Variants in NEB observed in about 807,000 individuals in gnomAD.
The protein encoded by NEB is nemaline myopathy type 2.
A neutral mutation model predicts 952.2 loss-of-function variants in NEB; 512 were observed. The ratio of observed to expected loss-of-function variants is 0.54; its 90% confidence interval spans 0.50 to 0.58. The LOEUF is 0.58. NEB is among the 20% of genes least tolerant of loss of function. The pLI, the probability that NEB is intolerant of heterozygous loss-of-function variation, is 0.00. For synonymous variants in NEB, 2,900 were observed against 3,149.8 expected, an observed-to-expected ratio of 0.92 and a Z score of 2.66; for missense variants, 8,428 against 9,231.1, an observed-to-expected ratio of 0.91 and a Z score of 3.56.
intron 161 of NEB, among the ~76,000 whole-genome samples, chr2:151,512,181 C>T (rs1012687360): frequency 6.6e-6 from 1 of 151,886 alleles, no homozygotes; most frequent in Admixed American, 6.6e-5. Flanking sequence ...CAGGTGCCTG[C>T]CACCACGCCC....
At chr2:151,553,362 G>T (rs1233280015) in intron 127 of NEB, 36 bp downstream of exon 127, 5 of 1,477,696 alleles carry the variant, frequency 3.4e-6, no homozygotes, top group Non-Finnish European at 4.7e-6. Flanking sequence ...ATGGAGAAAT[G>T]GAAATATACT....
In NEB at chr2:151,506,762, A is replaced by C. The variant is rs2069339201; in HGVS notation, c.23556+147T>G. On this transcript the variant is annotated intron_variant, in intron 163 of 181. Transcript: ENST00000397345. ...GTCTCTGGAGATGATTTTGGAGCAA[A>C]GTATTGGGGATTTTAGCAAATCACT... 5.0e-6 allele frequency: 3 copies of C among 600,888 alleles called. No individual in the cohort carries two copies. In the South Asian group the frequency reaches 6.4e-5, roughly 13 times the overall value. 37.2% of individuals were successfully genotyped at this position (600,888 alleles called of 1,614,324 possible).
chr2:151,562,479 C>A, intron 120 of NEB, 132 bp downstream of exon 120: 2 of 958,560 alleles, frequency 2.1e-6, no homozygotes, highest in Non-Finnish European at 3.0e-6. Flanking sequence ...GTGGCTCATG[C>A]CACTTTGTTT....
chr2:151,525,590 A>G (rs140642617), intron 150 of NEB, among the ~76,000 whole-genome samples: 8 of 152,334 alleles, frequency 5.3e-5, no homozygotes, highest in African/African-American at 1.9e-4. Context: ...ATTGATAAGG[A>G]TAGAGCAGGC....
chr2:151,496,889 G>A (rs2060571419), intron 172 of NEB, 52 bp downstream of exon 172: 15 of 1,466,734 alleles, frequency 1.0e-5, no homozygotes, highest in Non-Finnish European at 1.4e-5. Flanking sequence ...TTTAAATCAT[G>A]AAATAGTTTT....
intron 3 of NEB, among the ~76,000 whole-genome samples, chr2:151,731,431 T>C (rs1280184578): frequency 6.6e-6 from 1 of 152,202 alleles, no homozygotes; most frequent in Non-Finnish European, 1.5e-5. Flanking sequence ...AGCCAGTTCT[T>C]CTCTGTTTTC....
intron 172 of NEB, 58 bp downstream of exon 172, chr2:151,496,883 A>T: frequency 1.4e-6 from 2 of 1,462,042 alleles, no homozygotes; most frequent in East Asian, 4.9e-5. Flanking sequence ...TATTATTTTA[A>T]ATCATGAAAT....
intron 70 of NEB, among the ~76,000 whole-genome samples, chr2:151,625,985 T>G (rs753586000): frequency 2.0e-5 from 3 of 152,236 alleles, no homozygotes. Context: ...AGTATGACTA[T>G]ATTAACAAAT....
At position 151,684,866 on chromosome 2, in the gene NEB, T is replaced by G. The variant is rs750807425; in HGVS notation, c.2747A>C (p.Asp916Ala). 1.2e-6 allele frequency: 2 copies of G among 1,613,280 alleles called. No individual in the cohort carries two copies. Among genetic ancestry groups the G allele is most frequent in the Admixed American group, 1.7e-5 (1 of 59,924 alleles). The stretch of plus-strand genomic sequence containing the variant: ...GTAACTGTGTAAGATGTGCTTATAA[T>G]CAACGTCGCTGGCAATTGCCTGAGA... ...KKSQAIASDV[D>A]YKHILHSYSY... The change falls in exon 28 of 182, where the codon GAT (aspartate) becomes GCT (alanine). Residue 916 changes from aspartate to alanine, a missense_variant. Transcript: ENST00000397345.
At chr2:151,550,431 C>G (rs2095246496) in intron 129 of NEB, among the ~76,000 whole-genome samples, 1 of 152,044 alleles carries the variant, frequency 6.6e-6, no homozygotes, top group Admixed American at 6.6e-5. Context: ...TGCAAGCCAT[C>G]ACGAAGATAT....
At position 151,508,002 on chromosome 2, in the gene NEB, T is replaced by A; in HGVS notation, c.23451+3A>T. On this transcript the variant is annotated splice_donor_region_variant and intron_variant, in intron 162 of 181. Coordinates refer to ENST00000397345, the MANE Select transcript of NEB (RefSeq NM_001164508.2). ...CTGTGCCTTACATTTAATAAAAACT[T>A]ACAAGGCTGAAGTTCTTTTGGTTCT... is the stretch of plus-strand genomic sequence containing the variant. 1 of 1,599,096 alleles carries A rather than the reference T, an allele frequency of 6.3e-7. No homozygotes were observed. Among genetic ancestry groups the A allele is most frequent in the Non-Finnish European group, 8.5e-7 (1 of 1,170,808 alleles).
chr2:151,658,991 G>T, intron 47 of NEB, 74 bp downstream of exon 47: 3 of 996,750 alleles, frequency 3.0e-6, no homozygotes, highest in Non-Finnish European at 1.6e-6. Context: ...AACTGAGAGA[G>T]ATATTAATTA....
intron 135 of NEB, among the ~76,000 whole-genome samples, chr2:151,542,873 A>G (rs1284792683): frequency 6.6e-6 from 1 of 152,220 alleles, no homozygotes; most frequent in Non-Finnish European, 1.5e-5. Context: ...AGTCTTTATA[A>G]CCTGGCTCCA....
chr2:151,637,473 A>T (rs77954046), intron 63 of NEB, among the ~76,000 whole-genome samples: 4,773 of 152,286 alleles, frequency 0.031, 120 homozygotes, highest in East Asian at 0.1. Context: ...TTAATTCTAC[A>T]GAAAATAGGA....
rs2095138509 is a variant in NEB at position 151,549,672 on chromosome 2, G to T, written c.20013C>A (p.Phe6671Leu). The T allele has an allele frequency of 6.2e-7, 1 of 1,601,350 alleles. No individual in the cohort carries two copies. Among genetic ancestry groups the T allele is most frequent in the East Asian group, 2.2e-5 (1 of 44,478 alleles). The change falls in exon 130 of 182, where the codon TTC (phenylalanine) becomes TTA (leucine). Residue 6671 changes from phenylalanine (F) to leucine (L), a missense_variant. By Grantham distance (22) the Phe-to-Leu change is conservative. Around this residue, in one of 11 missense-constraint regions of NEB, gnomAD observed 3,374 missense variants for 3,651.5 expected, o/e 0.92. Coordinates refer to ENST00000397345, the MANE Select transcript of NEB (RefSeq NM_001164508.2). ...TGTAACGGGTGTCCTTGATGTGTTT[G>T]AAGTGAGGAGTGTCACCTGGAAGTC... is the stretch of plus-strand genomic sequence containing the variant. Reference protein sequence around the residue: ...GYRLPGDTPHFKHIKDTRYMS... With the variant: ...GYRLPGDTPHLKHIKDTRYMS...
In NEB at chr2:151,491,671, C is replaced by T. The variant is rs4414676; in HGVS notation, c.25150+12G>A. ...TGATGTTTATGTTGTAAGCCTTTTT[C>T]AGCTAACACACCATTAATCATGTGT... On this transcript the variant is annotated intron_variant, in intron 179 of 181. Coordinates refer to ENST00000397345, the MANE Select transcript of NEB (RefSeq NM_001164508.2). 0.013 allele frequency: 20,390 copies of T among 1,565,382 alleles called. 2,221 individuals carry two copies. The African/African-American group carries it at 0.24, about 18-fold the overall frequency.
Position 151,727,819 on chromosome 2 carries a change from C to CT in NEB, c.165dup (p.Ala56SerfsTer42). On this transcript the variant is annotated frameshift_variant, in exon 5 of 182. Transcript: ENST00000397345. LOFTEE classifies it high-confidence loss of function. ...TTTGCTGATGCTGGCTGTGCCAGTG[C>CT]TGGCTGTGCCAGAGCTGGTTTGGAA... 6.2e-7 allele frequency: 1 copy of CT among 1,613,616 alleles called. No homozygotes were observed. The highest frequency in any genetic ancestry group is 8.5e-7 in the Non-Finnish European group (1 of 1,179,720).
intron 64 of NEB, among the ~76,000 whole-genome samples, chr2:151,635,855 G>A (rs933895443): frequency 6.6e-6 from 1 of 152,164 alleles, no homozygotes; most frequent in Non-Finnish European, 1.5e-5. Flanking sequence ...CATAAAGCCA[G>A]GCCCTGAATC....
At position 151,679,772 on chromosome 2, in the gene NEB, A is replaced by G. The variant is rs2148596361; in HGVS notation, c.3204T>C (p.Thr1068=). The G allele has an allele frequency of 6.2e-7, 1 of 1,613,446 alleles. No homozygotes were observed. Among genetic ancestry groups the G allele is most frequent in the Non-Finnish European group, 8.5e-7 (1 of 1,179,810 alleles). Residue 1068 remains threonine (T), a synonymous_variant, in exon 32 of 182, where the codon ACT becomes ACC. Coordinates refer to ENST00000397345, the MANE Select transcript of NEB (RefSeq NM_001164508.2). ...TGGCAGCTCTGATGGGAATCGCATC[A>G]GTTCTCAGGTCATATCCCTTCTTGC... ...DLSKKGYDLR[T]DAIPIRAAKA... is the part of the protein sequence containing the mutation.
Sources: allele counts gnomAD v4.1 joint callset (sites outside exome capture counted in the v4.1 genomes callset), GRCh38; gene constraint gnomAD v4.1.1; regional missense constraint gnomAD v4.1.1; transcripts MANE v1.5; gene names NCBI Gene and HGNC (gene_info 2026-07-23, HGNC 2026-07-21).